Variants in BMAL1 observed in about 807,000 individuals in gnomAD.
BMAL1 encodes basic helix-loop-helix ARNT like 1.
the BMAL1 span, chr11:13,378,514 G>C: frequency 6.5e-7 from 1 of 1,546,386 alleles, no homozygotes; most frequent in South Asian, 1.2e-5. Flanking sequence ...TTTCCCCCAG[G>C]CAATATTTTG....
chr11:13,322,957 T>TA, the BMAL1 span, among the ~76,000 whole-genome samples: 1 of 142,206 alleles, frequency 7.0e-6, no homozygotes, highest in Admixed American at 7.1e-5. Flanking sequence ...GCCTGTCTGA[T>TA]TTTTTTTTTT....
At chr11:13,325,976 G>C in the BMAL1 span, among the ~76,000 whole-genome samples, 2 of 151,912 alleles carry the variant, frequency 1.3e-5, no homozygotes, top group African/African-American at 2.4e-5. Flanking sequence ...AGGCTGAGGT[G>C]GGTGGATCAT....
chr11:13,285,141 G>GA, the BMAL1 span, among the ~76,000 whole-genome samples: 1 of 152,138 alleles, frequency 6.6e-6, no homozygotes, highest in Non-Finnish European at 1.5e-5. Context: ...TTTTGCTCTT[G>GA]ATTGCCAACC....
chr11:13,284,879 G>A, the BMAL1 span, among the ~76,000 whole-genome samples: 13 of 152,198 alleles, frequency 8.5e-5, no homozygotes, highest in Admixed American at 3.3e-4. Context: ...GTCTGGTCCT[G>A]TTCCTCCTCC....
chr11:13,376,515 G>T, the BMAL1 span: 1 of 905,320 alleles, frequency 1.1e-6, no homozygotes, highest in Non-Finnish European at 1.8e-6. Context: ...TACCCACTCA[G>T]ACAGACACTT....
chr11:13,315,099 CT>C, the BMAL1 span, among the ~76,000 whole-genome samples: 27 of 152,196 alleles, frequency 1.8e-4, no homozygotes, highest in Non-Finnish European at 3.1e-4. Flanking sequence ...TCTAGGAAAG[CT>C]TTTCAGAAGA....
the BMAL1 span, among the ~76,000 whole-genome samples, chr11:13,371,110 T>C: frequency 9.9e-5 from 15 of 152,240 alleles, no homozygotes; most frequent in African/African-American, 3.6e-4. Context: ...GGCTGTAAAC[T>C]CCACAAGGGC....
At chr11:13,329,259 C>T in the BMAL1 span, among the ~76,000 whole-genome samples, 1 of 152,146 alleles carries the variant, frequency 6.6e-6, no homozygotes, top group Non-Finnish European at 1.5e-5. Flanking sequence ...CTTTGTGACC[C>T]CCCCGGTCCC....
the BMAL1 span, among the ~76,000 whole-genome samples, chr11:13,332,359 T>C: frequency 6.6e-6 from 1 of 152,192 alleles, no homozygotes; most frequent in Non-Finnish European, 1.5e-5. Context: ...CCTACACATA[T>C]TTGTTTTTCC....
the BMAL1 span, among the ~76,000 whole-genome samples, chr11:13,291,251 A>C: frequency 6.6e-6 from 1 of 152,252 alleles, no homozygotes; most frequent in Non-Finnish European, 1.5e-5. Context: ...TAGTTTTTAC[A>C]TACAATGTCT....
At chr11:13,286,767 A>G in the BMAL1 span, among the ~76,000 whole-genome samples, 1 of 152,266 alleles carries the variant, frequency 6.6e-6, no homozygotes, top group Non-Finnish European at 1.5e-5. Context: ...TTCTTGGCCA[A>G]CTTATCTTCC....
chr11:13,327,501 C>A, the BMAL1 span, among the ~76,000 whole-genome samples: 15 of 152,264 alleles, frequency 9.9e-5, no homozygotes, highest in Middle Eastern at 3.4e-3. Flanking sequence ...TGCTTCCTTG[C>A]GCTTTTCTGG....
At chr11:13,322,221 T>G in the BMAL1 span, among the ~76,000 whole-genome samples, 18 of 152,288 alleles carry the variant, frequency 1.2e-4, no homozygotes, top group Non-Finnish European at 2.4e-4. Context: ...TCGGCTTCCT[T>G]CCTTCTGTCT....
At chr11:13,304,990 T>C in the BMAL1 span, among the ~76,000 whole-genome samples, 1 of 152,190 alleles carries the variant, frequency 6.6e-6, no homozygotes, top group Non-Finnish European at 1.5e-5. Context: ...AGGAGAGCCT[T>C]TCTCTACATC....
chr11:13,363,775 C>T, the BMAL1 span, among the ~76,000 whole-genome samples: 2 of 152,192 alleles, frequency 1.3e-5, no homozygotes, highest in Admixed American at 6.5e-5. Context: ...CACCATCTTC[C>T]CAAGAGTGAC....
the BMAL1 span, chr11:13,356,283 G>C: frequency 2.2e-6 from 1 of 457,998 alleles, no homozygotes; most frequent in Non-Finnish European, 4.4e-6. Flanking sequence ...TCCTCACTTC[G>C]TCCCTTCCCT....
the BMAL1 span, chr11:13,378,535 A>C: frequency 3.3e-6 from 5 of 1,534,728 alleles, no homozygotes; most frequent in Non-Finnish European, 3.5e-6. Context: ...CAATGTCAGG[A>C]GACATTTTTG....
At chr11:13,277,227 G>A in the BMAL1 span, among the ~76,000 whole-genome samples, 40 of 152,262 alleles carry the variant, frequency 2.6e-4, no homozygotes, top group Non-Finnish European at 5.1e-4. Context: ...GAGGGAGAGA[G>A]GGAGTCAGGA....
the BMAL1 span, among the ~76,000 whole-genome samples, chr11:13,302,930 G>T: frequency 3.9e-5 from 6 of 152,182 alleles, no homozygotes; most frequent in African/African-American, 1.4e-4. Flanking sequence ...CCGAGATGTT[G>T]CCCTGCCACT....
Sources: allele counts gnomAD v4.1 joint callset (sites outside exome capture counted in the v4.1 genomes callset), GRCh38; gene constraint gnomAD v4.1.1; transcripts MANE v1.5; gene names NCBI Gene and HGNC (gene_info 2026-07-23, HGNC 2026-07-21).